Variants in ZNF804A observed in about 807,000 individuals in gnomAD.
The protein encoded by ZNF804A is zinc finger protein 804A.
In ZNF804A, 2 loss-of-function variants were observed where a neutral mutation model predicts 16.5. The ratio of observed to expected loss-of-function variants is 0.12; its 90% CI spans 0.05 to 0.38. The LOEUF (loss-of-function observed/expected upper bound fraction) is 0.38, where lower values mean the gene tolerates loss of function less well. Among genes scored for constraint, ZNF804A ranks in the 10% least tolerant of loss-of-function variants. The probability of loss-of-function intolerance (pLI) is 0.99; values close to 1 mark genes in which losing one functional copy is unlikely to be tolerated. For synonymous variants in ZNF804A, 534 were observed against 489.6 expected (o/e 1.09, Z -1.20); for missense variants, 1,473 against 1,390.7 (o/e 1.06, Z -0.94).
rs528088363 is a variant in ZNF804A at position 184,670,235 on chromosome 2, G to T, written c.111+71165G>T. Among the ~76,000 whole-genome samples, 5 of 152,008 alleles carry T rather than the reference G, an allele frequency of 3.3e-5. No individual in the cohort carries two copies. The South Asian group carries it at 1.0e-3, about 32-fold the overall frequency. The stretch of plus-strand genomic sequence containing the variant: ...TTATTCTGAATGTTATGTACTATCA[G>T]CCCAATGTATTTAATTGTTGGTTTG... On this transcript the variant is annotated intron_variant, in intron 1 of 3. Transcript: ENST00000302277.
Position 184,858,137 on chromosome 2 carries a change from A to T in ZNF804A, c.112-8232A>T, listed in dbSNP as rs1351432516. On this transcript the variant is annotated intron_variant, in intron 1 of 3. Transcript: ENST00000302277. ...TTTATCTTTGGTATATCTATTATGT[A>T]TTTTTGCTTTGTGGTTACTGTAAAA... Among the ~76,000 whole-genome samples, 4 of 151,780 alleles carry T rather than the reference A, an allele frequency of 2.6e-5. No homozygotes were observed. The East Asian group carries it at 7.8e-4, about 29-fold the overall frequency.
chr2:184,910,171 A>G (rs1685333723), intron 2 of ZNF804A, among the ~76,000 whole-genome samples: 1 of 151,778 alleles, frequency 6.6e-6, no homozygotes, highest in East Asian at 1.9e-4. Flanking sequence ...ACTATGCCAT[A>G]TTTTTGTGTA....
At chr2:184,746,889 C>T (rs983794396) in intron 1 of ZNF804A, among the ~76,000 whole-genome samples, 4 of 151,526 alleles carry the variant, frequency 2.6e-5, no homozygotes, top group African/African-American at 9.6e-5. Flanking sequence ...GGACTTCATT[C>T]ATTTTTATGG....
chr2:184,920,975 G>A (rs1041010764), intron 2 of ZNF804A, among the ~76,000 whole-genome samples: 1 of 152,138 alleles, frequency 6.6e-6, no homozygotes, highest in Non-Finnish European at 1.5e-5. Context: ...TAAATTTGTG[G>A]TAATTTGTTA....
intron 2 of ZNF804A, among the ~76,000 whole-genome samples, chr2:184,930,775 A>G (rs1685685243): frequency 6.6e-6 from 1 of 152,226 alleles, no homozygotes; most frequent in Non-Finnish European, 1.5e-5. Flanking sequence ...TAAACCAGGT[A>G]TTGTTCTAAG....
intron 1 of ZNF804A, among the ~76,000 whole-genome samples, chr2:184,831,176 C>T (rs1005644628): frequency 2.6e-5 from 4 of 151,982 alleles, no homozygotes; most frequent in East Asian, 1.9e-4. Context: ...TTTATACGCC[C>T]GCTTTTATAT....
intron 2 of ZNF804A, among the ~76,000 whole-genome samples, chr2:184,923,309 T>C (rs914258940): frequency 1.2e-4 from 19 of 152,018 alleles, no homozygotes; most frequent in African/African-American, 4.6e-4. Flanking sequence ...TTTGGAGCTA[T>C]TGCAAATGAA....
chr2:184,708,007 G>A (rs1469572596), intron 1 of ZNF804A, among the ~76,000 whole-genome samples: 1 of 152,006 alleles, frequency 6.6e-6, no homozygotes, highest in Non-Finnish European at 1.5e-5. Flanking sequence ...GTATCTCATT[G>A]TGGCTTTGAC....
Position 184,598,908 on chromosome 2 carries a change from G to T in ZNF804A, c.-52G>T. 1 of 1,322,022 alleles carries T rather than the reference G, an allele frequency of 7.6e-7. No homozygotes were observed. The highest frequency in any genetic ancestry group is 1.0e-6 in the Non-Finnish European group (1 of 958,840). 81.9% of individuals were successfully genotyped at this position (1,322,022 alleles called of 1,614,324 possible). Reference sequence around the variant, plus strand: ...CGGCCCCGGCGCGCTGCGGCTGTGGGCGCGGGGTGCGTGGAAGCGGCGGCT... The same window carrying T: ...CGGCCCCGGCGCGCTGCGGCTGTGGTCGCGGGGTGCGTGGAAGCGGCGGCT... On this transcript the variant is annotated 5_prime_UTR_variant, in exon 1 of 4. Transcript: ENST00000302277.
chr2:184,642,772 G>T (rs1486746679), intron 1 of ZNF804A, among the ~76,000 whole-genome samples: 6 of 152,102 alleles, frequency 3.9e-5, no homozygotes, highest in Admixed American at 1.3e-4. Context: ...AAGGATGGAA[G>T]AAGTCTAAAG....
chr2:184,654,691 T>C (rs556878139), intron 1 of ZNF804A, among the ~76,000 whole-genome samples: 12 of 152,278 alleles, frequency 7.9e-5, no homozygotes, highest in Non-Finnish European at 1.5e-4. Flanking sequence ...TGTATCCATA[T>C]GAAAAACATT....
chr2:184,755,450 C>T (rs1693945345), intron 1 of ZNF804A, among the ~76,000 whole-genome samples: 2 of 151,886 alleles, frequency 1.3e-5, no homozygotes, highest in Admixed American at 6.6e-5. Flanking sequence ...TTATATTTCT[C>T]AGCATATTTG....
chr2:184,865,850 A>C (rs761691033), intron 1 of ZNF804A, among the ~76,000 whole-genome samples: 3 of 152,180 alleles, frequency 2.0e-5, no homozygotes, highest in Admixed American at 6.5e-5. Flanking sequence ...ATGGGTCAGG[A>C]TAAAAAAAAA....
intron 1 of ZNF804A, among the ~76,000 whole-genome samples, chr2:184,818,381 C>T (rs1695017129): frequency 6.6e-6 from 1 of 151,940 alleles, no homozygotes; most frequent in Non-Finnish European, 1.5e-5. Flanking sequence ...CACCACCAGA[C>T]CTGCCTTGCA....
intron 1 of ZNF804A, among the ~76,000 whole-genome samples, chr2:184,717,947 T>C (rs1693241263): frequency 1.3e-5 from 2 of 152,144 alleles, no homozygotes; most frequent in Non-Finnish European, 2.9e-5. Context: ...TTATTCAATA[T>C]AGCATTTGAA....
At chr2:184,716,789 G>A (rs1457622554) in intron 1 of ZNF804A, among the ~76,000 whole-genome samples, 1 of 152,178 alleles carries the variant, frequency 6.6e-6, no homozygotes, top group Non-Finnish European at 1.5e-5. Flanking sequence ...GTGTGTATAT[G>A]TGTGTACACG....
At chr2:184,738,158 A>G (rs1463207333) in intron 1 of ZNF804A, among the ~76,000 whole-genome samples, 1 of 151,912 alleles carries the variant, frequency 6.6e-6, no homozygotes, top group Admixed American at 6.6e-5. Context: ...ATCAGATCTA[A>G]GGAGAAATGG....
intron 1 of ZNF804A, among the ~76,000 whole-genome samples, chr2:184,841,267 A>T (rs1450208920): frequency 2.6e-5 from 4 of 152,202 alleles, no homozygotes; most frequent in African/African-American, 7.2e-5. Flanking sequence ...GTGGTGGAAG[A>T]TACTTCTACT....
intron 1 of ZNF804A, among the ~76,000 whole-genome samples, chr2:184,732,049 A>C (rs961296053): frequency 2.0e-5 from 3 of 152,048 alleles, no homozygotes; most frequent in Non-Finnish European, 4.4e-5. Flanking sequence ...AGAAATGTTT[A>C]ATTTGGGAGA....
Sources: gnomAD v4.1 joint callset for allele counts (sites outside exome capture counted in the v4.1 genomes callset) on GRCh38, gnomAD v4.1.1 for gene constraint, MANE v1.5 for transcripts, NCBI Gene and HGNC (gene_info 2026-07-23, HGNC 2026-07-21) for gene names.